The following POLRMT variants were observed in gnomAD, a reference collection of about 807,000 sequenced individuals.
POLRMT encodes the protein RNA polymerase mitochondrial.
A neutral mutation model predicts 132.2 loss-of-function variants in POLRMT; 114 were observed. The ratio of observed to expected loss-of-function variants is 0.86; its 90% CI spans 0.74 to 1.01. The LOEUF (loss-of-function observed/expected upper bound fraction) is 1.01. POLRMT is among the 50% of genes least tolerant of loss of function. POLRMT has a pLI of 0.00. For synonymous variants in POLRMT, 1,020 were observed against 773.4 expected (o/e 1.32, Z -5.29); for missense variants, 2,003 against 1,729.1 (o/e 1.16, Z -2.81).
Position 625,285 on chromosome 19 carries a change from G to T in POLRMT, c.823-31C>A, listed in dbSNP as rs200233912. The T allele has an allele frequency of 3.1e-6, 5 of 1,612,108 alleles. No individual in the cohort carries two copies. The African/African-American group carries it at 6.7e-5, about 21-fold the overall frequency. ...AGACCAAGCCAGGGTGAGGGTCTGG[G>T]GGGATGGCCCAACCTCCACATCCTC... is the stretch of plus-strand genomic sequence containing the variant. On this transcript the variant is annotated intron_variant, in intron 3 of 20. Transcript: ENST00000588649.
intron 10 of POLRMT, 122 bp from the exon 11 acceptor site, chr19:620,609 G>A: frequency 2.4e-6 from 3 of 1,259,748 alleles, no homozygotes; most frequent in Non-Finnish European, 2.1e-6. Flanking sequence ...GTGAACACGG[G>A]ACGCATGTGG....
chr19:623,463 G>A lies in POLRMT; in HGVS notation c.1281C>T (p.Val427=). The change falls in exon 6 of 21, where the codon GTC becomes GTT. Residue 427 remains valine (V), a synonymous_variant. Transcript: ENST00000588649. ...VEKPTLPSKE[V]KHARKTLKTL... ...CCGGCTCAGCCCCTACCGCGTGCTT[G>A]ACCTCCTTGCTTGGCAACGTGGGCT... 6.2e-7 allele frequency: 1 copy of A among 1,611,880 alleles called. No individual in the cohort carries two copies. The highest frequency in any genetic ancestry group is 8.5e-7 in the Non-Finnish European group (1 of 1,179,934).
Position 620,193 on chromosome 19 carries a change from T to G in POLRMT, c.2764-113A>C, listed in dbSNP as rs141039595. 3 of 1,479,990 alleles carry G rather than the reference T, an allele frequency of 2.0e-6. No homozygotes were observed. The Admixed American group carries it at 6.3e-5, about 31-fold the overall frequency. The allele number at this position is 1,479,990 out of a possible 1,614,324, so 91.7% of individuals were successfully genotyped here. On this transcript the variant is annotated intron_variant, in intron 11 of 20. Transcript: ENST00000588649. ...TAGGGCCGTGCACCCCCCAGCCAAG[T>G]GCACCGGAGCCCCCGCACGCTCCCG... is the stretch of plus-strand genomic sequence containing the variant.
intron 4 of POLRMT, 81 bp from the exon 5 acceptor site, chr19:624,986 C>T: frequency 6.5e-7 from 1 of 1,535,092 alleles, no homozygotes; most frequent in Non-Finnish European, 8.8e-7. Context: ...CTCGTGACCA[C>T]CTCCTGCTAG....
Position 624,778 on chromosome 19 carries a change from G to T in POLRMT, c.1081C>A (p.Pro361Thr), listed in dbSNP as rs1477411451. 6.2e-7 allele frequency: 1 copy of T among 1,613,534 alleles called. No homozygotes were observed. The highest frequency in any genetic ancestry group is 8.5e-7 in the Non-Finnish European group (1 of 1,180,024). The change falls in exon 5 of 21, where the codon CCG becomes ACG. Residue 361 changes from proline to threonine, a missense_variant. Pro to Thr is a conservative substitution (Grantham distance 38). Coordinates refer to ENST00000588649, the MANE Select transcript of POLRMT (RefSeq NM_005035.4). ...TTGACCGGGGGCGGCAGCTGCGGCG[G>T]GAGGCTGAAGGTGGGCTTCACCTTG... ...VHKVKPTFSL[P>T]PQLPPPVNTS...
chr19:619,778 T>C lies in POLRMT; in HGVS notation c.2887-13A>G, dbSNP rs1235380940. ...GGAACACCTCCACCTGCACGGCGGG[T>C]GGGCCGGGGGCGCGGGTCAGCCCCG... On this transcript the variant is annotated splice_polypyrimidine_tract_variant and intron_variant, in intron 12 of 20. Transcript: ENST00000588649. 1.9e-6 allele frequency: 3 copies of C among 1,556,374 alleles called. No homozygotes were observed. Among genetic ancestry groups the C allele is most frequent in the East Asian group, 2.3e-5 (1 of 44,368 alleles).
At position 619,314 on chromosome 19, in the gene POLRMT, C is replaced by G. The variant is rs539808660; in HGVS notation, c.3067-18G>C. ...ACGAACTCCTGCAGAGGGCGGGCAG[C>G]AGGTGCAGGTCCTCAGGGGCTGGCC... is the stretch of plus-strand genomic sequence containing the variant. On this transcript the variant is annotated intron_variant, in intron 13 of 20. Transcript: ENST00000588649. 2 of 1,607,232 alleles carry G rather than the reference C, an allele frequency of 1.2e-6. No individual in the cohort carries two copies. The highest frequency in any genetic ancestry group is 1.1e-5 in the South Asian group (1 of 90,852).
At chr19:630,749 C>A (rs1281701863) in intron 2 of POLRMT, among the ~76,000 whole-genome samples, 1 of 152,228 alleles carries the variant, frequency 6.6e-6, no homozygotes, top group Non-Finnish European at 1.5e-5. Flanking sequence ...CCGGTGGACG[C>A]TGAGCCACTA....
chr19:620,832 G>A (rs1370756311), intron 10 of POLRMT, among the ~76,000 whole-genome samples: 2 of 117,314 alleles, frequency 1.7e-5, no homozygotes, highest in Admixed American at 8.4e-5. Flanking sequence ...GGGGAGAAGG[G>A]AGAAGCAGGA....
intron 8 of POLRMT, 35 bp from the exon 9 acceptor site, chr19:622,408 G>C: frequency 6.6e-7 from 1 of 1,515,652 alleles, no homozygotes; most frequent in Non-Finnish European, 8.9e-7. Context: ...CTGGGCACCG[G>C]GGCCCCTGAG....
At position 617,826 on chromosome 19, in the gene POLRMT, A is replaced by G. The variant is rs1308331636; in HGVS notation, c.3446T>C (p.Val1149Ala). 5.0e-6 allele frequency: 8 copies of G among 1,613,172 alleles called. No individual in the cohort carries two copies. The highest frequency in any genetic ancestry group is 1.1e-5 in the South Asian group (1 of 91,092). ...CYRKGLTFVS[V>A]HDCYWTHAAD... ...TGCGTGAGTCCAGTAACAGTCGTGC[A>G]CAGAGACGAAGGTCAGGCCCTTCCT... The change falls in exon 18 of 21, where the codon GTG (valine) becomes GCG (alanine). Residue 1149 changes from valine to alanine, a missense_variant. Transcript: ENST00000588649.
At chr19:633,121 C>T in intron 1 of POLRMT, 183 bp from the exon 2 acceptor site, 1 of 615,108 alleles carries the variant, frequency 1.6e-6, no homozygotes, top group Non-Finnish European at 2.7e-6. Context: ...GCGGCGAACA[C>T]GGGCGCGGAA....
Position 617,309 on chromosome 19 carries a change from C to T in POLRMT, c.3658G>A (p.Glu1220Lys), listed in dbSNP as rs1438633183. ...AAGTAGGTGGAACGCTTCACCTGCT[C>T]CAGGTCGAAGGCCCCTGCGGAGGAA... ...AVPKPGAFDL[E>K]QVKRSTYFFS is the part of the protein sequence containing the mutation. Residue 1220 changes from glutamate (E) to lysine (K), a missense_variant, in exon 21 of 21, where the codon GAG becomes AAG. Glu to Lys is a moderately conservative substitution (Grantham distance 56, BLOSUM62 1). Coordinates refer to ENST00000588649, the MANE Select transcript of POLRMT (RefSeq NM_005035.4). The T allele has an allele frequency of 6.2e-7, 1 of 1,612,914 alleles. No homozygotes were observed. The highest frequency in any genetic ancestry group is 1.3e-5 in the African/African-American group (1 of 75,052).
At chr19:617,501 G>C (rs766441013) in intron 19 of POLRMT, 21 bp from the exon 20 acceptor site, 16 of 1,610,650 alleles carry the variant, frequency 9.9e-6, no homozygotes, top group Non-Finnish European at 1.3e-5. Flanking sequence ...AAGCAGGGTG[G>C]GGTGAGGCTG....
chr19:619,815 G>C (rs371949661), intron 12 of POLRMT, 50 bp from the exon 13 acceptor site: 1 of 1,550,216 alleles, frequency 6.5e-7, no homozygotes, highest in Non-Finnish European at 8.7e-7. Flanking sequence ...TAGCAGCCCA[G>C]GGGCCACCAA....
At chr19:632,052 C>A (rs1985455861) in intron 2 of POLRMT, among the ~76,000 whole-genome samples, 2 of 149,378 alleles carry the variant, frequency 1.3e-5, no homozygotes, top group African/African-American at 4.9e-5. Flanking sequence ...GGATTACAGG[C>A]GTGAGCCACC....
intron 3 of POLRMT, chr19:625,656 C>G (rs1294121849): frequency 1.2e-5 from 2 of 169,078 alleles, no homozygotes; most frequent in African/African-American, 4.8e-5. Context: ...ACAGCTTCTT[C>G]TTCTAGTTTC....
At position 629,629 on chromosome 19, in the gene POLRMT, G is replaced by A; in HGVS notation, c.733C>T (p.Leu245=). The change falls in exon 3 of 21, where the codon CTG becomes TTG. Residue 245 remains leucine, a synonymous_variant. Coordinates refer to ENST00000588649, the MANE Select transcript of POLRMT (RefSeq NM_005035.4). ...CGCTGGCCGTGGTGGACGACCAGCA[G>A]GTGGTGGGCGAGGGGCAGCTGGTCA... ...LTDQLPLAHH[L]LVVHHGQRQK... is the part of the protein sequence containing the mutation. 6.2e-7 allele frequency: 1 copy of A among 1,609,894 alleles called. No individual in the cohort carries two copies. The highest frequency in any genetic ancestry group is 8.5e-7 in the Non-Finnish European group (1 of 1,179,238).
At chr19:623,989 C>A (rs959875921) in intron 5 of POLRMT, among the ~76,000 whole-genome samples, 1 of 152,242 alleles carries the variant, frequency 6.6e-6, no homozygotes, top group Non-Finnish European at 1.5e-5. Flanking sequence ...TAAAGCCTAG[C>A]GCTTTGAGAA....
Sources: allele counts gnomAD v4.1 joint callset (sites outside exome capture counted in the v4.1 genomes callset), GRCh38; gene constraint gnomAD v4.1.1; transcripts MANE v1.5; gene names NCBI Gene and HGNC (gene_info 2026-07-23, HGNC 2026-07-21).